CDH18: variants seen among roughly 807,000 people sequenced by gnomAD.
The protein encoded by CDH18 is cadherin-18.
In CDH18, 31 loss-of-function variants were observed where a neutral mutation model predicts 67.9. The observed-to-expected ratio is 0.46, with a 90% CI of 0.34 to 0.62. The LOEUF is 0.62. Ranked by LOEUF, CDH18 falls within the 20% of genes least tolerant of loss-of-function variation. The pLI is 0.01. For missense variants in CDH18, 890 were observed against 975.5 expected, an observed-to-expected ratio of 0.91 and a Z score of 1.17; for synonymous variants, 362 against 347.2, an observed-to-expected ratio of 1.04 and a Z score of -0.48.
intron 3 of CDH18, among the ~76,000 whole-genome samples, chr5:19,767,467 C>T (rs1773237011): frequency 1.3e-5 from 2 of 151,738 alleles, no homozygotes; most frequent in South Asian, 4.2e-4. Context: ...AGAAGTGGTA[C>T]AATATTTACT....
chr5:19,584,802 A>AAAAG (rs1554052862), intron 7 of CDH18, among the ~76,000 whole-genome samples: 1 of 148,832 alleles, frequency 6.7e-6, no homozygotes, highest in African/African-American at 2.5e-5. Flanking sequence ...ACAAAAAAAA[A>AAAAG]AAAAAAAAAA....
chr5:19,496,430 C>T (rs1290562059), intron 11 of CDH18, among the ~76,000 whole-genome samples: 1 of 152,018 alleles, frequency 6.6e-6, no homozygotes, highest in Non-Finnish European at 1.5e-5. Flanking sequence ...TCTTAGTCAC[C>T]GACACAATAA....
chr5:20,208,424 T>C (rs955101266), intron 2 of CDH18, among the ~76,000 whole-genome samples: 1 of 140,530 alleles, frequency 7.1e-6, no homozygotes, highest in African/African-American at 2.8e-5. Flanking sequence ...ATGAGATTTG[T>C]GTGGGGACAC....
At chr5:20,157,619 A>G (rs1751634229) in intron 2 of CDH18, among the ~76,000 whole-genome samples, 2 of 146,392 alleles carry the variant, frequency 1.4e-5, no homozygotes, top group African/African-American at 5.0e-5. Context: ...CTTTTACTTT[A>G]TTGTATGTTT....
intron 2 of CDH18, among the ~76,000 whole-genome samples, chr5:20,109,886 A>C (rs1561797836): frequency 6.6e-6 from 1 of 152,200 alleles, no homozygotes; most frequent in Non-Finnish European, 1.5e-5. Context: ...GGCATTCAGG[A>C]ATTTGAAGTA....
intron 1 of CDH18, chr5:20,305,615 C>A: frequency 3.6e-5 from 17 of 476,778 alleles, no homozygotes; most frequent in East Asian, 8.6e-5. Context: ...TGGTGCTCGG[C>A]AAACCCAGAG....
At chr5:19,861,948 GAATGATACA>G (rs1204615500) in intron 2 of CDH18, among the ~76,000 whole-genome samples, 1 of 152,110 alleles carries the variant, frequency 6.6e-6, no homozygotes, top group African/African-American at 2.4e-5. Context: ...GTTCTGGCTG[GAATGATACA>G]TTGGTGCATT....
At chr5:19,919,995 G>A (rs902236798) in intron 2 of CDH18, among the ~76,000 whole-genome samples, 1 of 152,032 alleles carries the variant, frequency 6.6e-6, no homozygotes, top group Non-Finnish European at 1.5e-5. Flanking sequence ...GGAAGACCAA[G>A]GCCTAATAAA....
chr5:19,535,137 T>C (rs1484784943), intron 9 of CDH18, among the ~76,000 whole-genome samples: 3 of 152,172 alleles, frequency 2.0e-5, no homozygotes, highest in African/African-American at 7.2e-5. Context: ...CCAAAGAAAC[T>C]GGGTAACACA....
chr5:19,772,880 C>T (rs896320402), intron 3 of CDH18, among the ~76,000 whole-genome samples: 4 of 152,100 alleles, frequency 2.6e-5, no homozygotes, highest in African/African-American at 7.2e-5. Flanking sequence ...ACTGTAAATA[C>T]ATTTTTGCAT....
intron 5 of CDH18, among the ~76,000 whole-genome samples, chr5:19,694,622 A>AT (rs1278044789): frequency 2.0e-5 from 3 of 150,856 alleles, no homozygotes; most frequent in Non-Finnish European, 4.4e-5. Context: ...CAATACACAG[A>AT]TTCTCAAGTT....
intron 9 of CDH18, among the ~76,000 whole-genome samples, chr5:19,522,868 C>G (rs1244335808): frequency 7.2e-6 from 1 of 139,138 alleles, no homozygotes. Context: ...GCACTGCAGC[C>G]TGAGTGACAG....
At chr5:20,472,356 CATG>C (rs1439823254) in intron 1 of CDH18, among the ~76,000 whole-genome samples, 1 of 152,064 alleles carries the variant, frequency 6.6e-6, no homozygotes, top group Non-Finnish European at 1.5e-5. Context: ...TATAAAGCTT[CATG>C]ATTATTTAAA....
At chr5:19,680,645 C>T (rs957965398) in intron 5 of CDH18, among the ~76,000 whole-genome samples, 96 of 151,876 alleles carry the variant, frequency 6.3e-4, no homozygotes, top group Non-Finnish European at 1.3e-3. Flanking sequence ...ATACATGTGG[C>T]CAACAAGCAT....
At chr5:19,633,608 C>T (rs1261382708) in intron 5 of CDH18, among the ~76,000 whole-genome samples, 1 of 151,766 alleles carries the variant, frequency 6.6e-6, no homozygotes, top group African/African-American at 2.4e-5. Flanking sequence ...TTTCTGGCTA[C>T]CGAAACTTGT....
chr5:19,554,948 C>T (rs934252106), intron 8 of CDH18, among the ~76,000 whole-genome samples: 3 of 152,116 alleles, frequency 2.0e-5, no homozygotes, highest in Admixed American at 2.0e-4. Context: ...GAACAATCAA[C>T]AAGCACATGT....
At chr5:20,115,642 CGT>C (rs1747843368) in intron 2 of CDH18, among the ~76,000 whole-genome samples, 1 of 151,926 alleles carries the variant, frequency 6.6e-6, no homozygotes, top group Non-Finnish European at 1.5e-5. Context: ...ATAGGCATTT[CGT>C]GGGAACACAA....
chr5:19,527,614 A>AT (rs1216424966), intron 9 of CDH18, among the ~76,000 whole-genome samples: 2 of 151,812 alleles, frequency 1.3e-5, no homozygotes, highest in Non-Finnish European at 3.0e-5. Flanking sequence ...GCAACAGAAT[A>AT]TTAAACCAAC....
At chr5:19,539,013 G>A (rs1749829268) in intron 9 of CDH18, among the ~76,000 whole-genome samples, 1 of 152,134 alleles carries the variant, frequency 6.6e-6, no homozygotes, top group South Asian at 2.1e-4. Context: ...TGATGTTGAG[G>A]TTAAGGTTGA....
Sources: allele counts gnomAD v4.1 joint callset (sites outside exome capture counted in the v4.1 genomes callset), GRCh38; gene constraint gnomAD v4.1.1; transcripts MANE v1.5; gene names NCBI Gene and HGNC (gene_info 2026-07-23, HGNC 2026-07-21).